MTPN: variants seen among roughly 807,000 people sequenced by gnomAD.
MTPN encodes the protein granule cell differentiation protein.
In MTPN, 2 loss-of-function variants were observed where a neutral mutation model predicts 13.5. That is an observed-to-expected ratio of 0.15 (90% confidence interval 0.06 to 0.47). The LOEUF is 0.47. Ranked by LOEUF, MTPN falls within the 20% of genes least tolerant of loss-of-function variation. The probability of loss-of-function intolerance (pLI) is 0.97; values close to 1 mark genes in which losing one functional copy is unlikely to be tolerated. For missense variants in MTPN, 79 were observed against 137.9 expected (o/e 0.57, Z 2.14); for synonymous variants, 46 against 51.7 (o/e 0.89, Z 0.48).
Position 135,929,556 on chromosome 7 carries a change from A to G in MTPN, c.*370T>C, listed in dbSNP as rs909697510. 9.1e-6 allele frequency: 2 copies of G among 220,738 alleles called. No individual in the cohort carries two copies. The highest frequency in any genetic ancestry group is 1.0e-5 in the Non-Finnish European group (1 of 98,296). The allele number at this position is 220,738 out of a possible 1,614,324, so 13.7% of individuals were successfully genotyped here. ...AGACAGTTAGGGCTACCAAATATGT[A>G]GAGTTGGCCTTTGTAGAATCAGACC... On this transcript the variant is annotated 3_prime_UTR_variant, in exon 4 of 4. Transcript: ENST00000393085.
chr7:135,968,209 A>G lies in MTPN; in HGVS notation c.72+8820T>C, dbSNP rs111340750. Among the ~76,000 whole-genome samples the G allele has an allele frequency of 1.2e-4, 19 of 152,278 alleles. No homozygotes were observed. The South Asian group carries it at 1.9e-3, about 15-fold the overall frequency. On this transcript the variant is annotated intron_variant, in intron 1 of 3. Transcript: ENST00000393085. ...TGTCAAATTGAAATCTTCCTAAAATATGTTATACATGTCTCTGACTTTGTA... is the reference window on the plus strand; with the variant it reads ...TGTCAAATTGAAATCTTCCTAAAATGTGTTATACATGTCTCTGACTTTGTA...
At chr7:135,937,320 C>A (rs1260237541) in intron 3 of MTPN, among the ~76,000 whole-genome samples, 2 of 151,568 alleles carry the variant, frequency 1.3e-5, no homozygotes, top group African/African-American at 4.9e-5. Flanking sequence ...TAAAATCAGG[C>A]AAAAAATTAG....
At chr7:135,953,359 TTA>T (rs953934626) in intron 1 of MTPN, among the ~76,000 whole-genome samples, 6 of 152,170 alleles carry the variant, frequency 3.9e-5, no homozygotes, top group Non-Finnish European at 7.4e-5. Context: ...GGAGTAGAAA[TTA>T]TATGTTTTCT....
chr7:135,969,103 AG>A (rs1799652599), intron 1 of MTPN, among the ~76,000 whole-genome samples: 1 of 24,830 alleles, frequency 4.0e-5, no homozygotes, highest in African/African-American at 1.2e-4. Flanking sequence ...GGGGGGGAGG[AG>A]GGAGGGATAG....
At chr7:135,946,498 G>A (rs1298335212) in intron 3 of MTPN, among the ~76,000 whole-genome samples, 1 of 152,026 alleles carries the variant, frequency 6.6e-6, no homozygotes, top group Non-Finnish European at 1.5e-5. Flanking sequence ...CTGGATATTT[G>A]TTTTTGTATA....
Position 135,938,870 on chromosome 7 carries a change from G to A in MTPN, c.271-8858C>T, listed in dbSNP as rs140088617. Among the ~76,000 whole-genome samples, 301 of 152,272 alleles carry A rather than the reference G, an allele frequency of 2.0e-3. 1 individual carries two copies. Among genetic ancestry groups the A allele is most frequent in the African/African-American group, 7.0e-3 (289 of 41,536 alleles). ...ACCCCCGAGGGTTGGATGCTGGTAA[G>A]GCTTCAAGGAAATCATCATGTCTTG... is the stretch of plus-strand genomic sequence containing the variant. On this transcript the variant is annotated intron_variant, in intron 3 of 3. Transcript: ENST00000393085.
At chr7:135,964,064 GA>G (rs1286594736) in intron 1 of MTPN, among the ~76,000 whole-genome samples, 1 of 151,764 alleles carries the variant, frequency 6.6e-6, no homozygotes, top group African/African-American at 2.4e-5. Context: ...TGTCAATTTG[GA>G]AAAAATTGTC....
intron 1 of MTPN, among the ~76,000 whole-genome samples, chr7:135,955,129 T>G (rs1362809207): frequency 6.6e-6 from 1 of 152,110 alleles, no homozygotes; most frequent in Admixed American, 6.6e-5. Context: ...AAAAAATCCT[T>G]GTCAGCAGGG....
intron 3 of MTPN, among the ~76,000 whole-genome samples, chr7:135,941,708 C>T (rs865901207): frequency 1.3e-5 from 2 of 151,844 alleles, no homozygotes; most frequent in Non-Finnish European, 2.9e-5. Context: ...TTATGGTACC[C>T]CTAGTAAAAA....
At chr7:135,955,009 A>C (rs531320857) in intron 1 of MTPN, among the ~76,000 whole-genome samples, 1 of 152,322 alleles carries the variant, frequency 6.6e-6, no homozygotes, top group South Asian at 2.1e-4. Flanking sequence ...TATGAAATGG[A>C]GTTGTGAGTT....
At chr7:135,974,766 G>A (rs1799747463) in intron 1 of MTPN, among the ~76,000 whole-genome samples, 1 of 152,192 alleles carries the variant, frequency 6.6e-6, no homozygotes, top group South Asian at 2.1e-4. Context: ...CAAAAAGTGA[G>A]TGTTCACAAA....
intron 1 of MTPN, among the ~76,000 whole-genome samples, chr7:135,957,182 C>T (rs1799454247): frequency 6.6e-6 from 1 of 152,070 alleles, no homozygotes; most frequent in East Asian, 1.9e-4. Context: ...ATCTAAATAA[C>T]ATATATAATG....
At chr7:135,941,624 G>A (rs576405360) in intron 3 of MTPN, among the ~76,000 whole-genome samples, 6 of 152,138 alleles carry the variant, frequency 3.9e-5, no homozygotes, top group African/African-American at 4.8e-5. Context: ...TTTATGTTTC[G>A]TTTTATTCCT....
At chr7:135,970,336 G>A (rs1584821857) in intron 1 of MTPN, among the ~76,000 whole-genome samples, 1 of 152,202 alleles carries the variant, frequency 6.6e-6, no homozygotes, top group East Asian at 1.9e-4. Context: ...CATTGGGGAG[G>A]GGAGATCTTT....
At chr7:135,930,035 C>T in intron 3 of MTPN, 23 bp from the exon 4 acceptor site, 2 of 1,096,472 alleles carry the variant, frequency 1.8e-6, no homozygotes, top group Non-Finnish European at 2.6e-6. Flanking sequence ...GGAAAGGGCT[C>T]ATTAAATGAG....
intron 1 of MTPN, among the ~76,000 whole-genome samples, chr7:135,962,012 T>C (rs2116394821): frequency 6.6e-6 from 1 of 152,174 alleles, no homozygotes; most frequent in South Asian, 2.1e-4. Context: ...ATCTTAGTCT[T>C]TGGCAGGTAA....
At chr7:135,955,137 G>A (rs919279543) in intron 1 of MTPN, among the ~76,000 whole-genome samples, 87 of 152,050 alleles carry the variant, frequency 5.7e-4, no homozygotes, top group African/African-American at 2.0e-3. Context: ...CTTGTCAGCA[G>A]GGCCTTAGCA....
intron 1 of MTPN, among the ~76,000 whole-genome samples, chr7:135,954,413 G>A (rs114835847): frequency 0.011 from 1,638 of 152,250 alleles, 36 homozygotes; most frequent in African/African-American, 0.038. Flanking sequence ...TAGTAAGGGC[G>A]AACTAGCATA....
chr7:135,946,293 T>C (rs1389954326), intron 3 of MTPN, among the ~76,000 whole-genome samples: 6 of 152,200 alleles, frequency 3.9e-5, no homozygotes, highest in Non-Finnish European at 7.4e-5. Flanking sequence ...CTATAAACTC[T>C]TGTTTGGCTA....
Sources: allele counts gnomAD v4.1 joint callset (sites outside exome capture counted in the v4.1 genomes callset), GRCh38; gene constraint gnomAD v4.1.1; transcripts MANE v1.5; gene names NCBI Gene and HGNC (gene_info 2026-07-23, HGNC 2026-07-21).